The following MBLAC2 variants were observed in gnomAD, a reference collection of about 807,000 sequenced individuals.
The protein encoded by MBLAC2 is acyl-coenzyme A thioesterase MBLAC2.
In MBLAC2, 24 loss-of-function variants were observed where a neutral mutation model predicts 23.3. That is an observed-to-expected ratio of 1.03 (90% CI 0.75 to 1.45). The LOEUF (loss-of-function observed/expected upper bound fraction) is 1.45. Among genes scored for constraint, MBLAC2 ranks in the 40% most tolerant of loss-of-function variants. The pLI, the probability that MBLAC2 is intolerant of heterozygous loss-of-function variation, is 0.00. For synonymous variants in MBLAC2, 162 were observed against 150.9 expected (o/e 1.07, Z -0.54); for missense variants, 358 against 370.0 (o/e 0.97, Z 0.27).
rs1750631443 is a variant in MBLAC2 at position 90,473,917 on chromosome 5, C to T, written c.376G>A (p.Val126Met). ...TVTWLSDSEV[V>M]RTPSPGWRAR... ...CTCCAGCCGGGGCTGGGCGTCCGCA[C>T]CACCTCGCTATCGGAAAGCCAGGTC... Residue 126 changes from valine (V) to methionine (M), a missense_variant, in exon 1 of 2, where the codon GTG (valine) becomes ATG (methionine). By Grantham distance (21) the Val-to-Met change is conservative (BLOSUM62 1). Transcript: ENST00000316610. The T allele has an allele frequency of 6.2e-7, 1 of 1,605,234 alleles. No homozygotes were observed. Among genetic ancestry groups the T allele is most frequent in the Non-Finnish European group, 8.5e-7 (1 of 1,176,670 alleles).
intron 1 of MBLAC2, among the ~76,000 whole-genome samples, chr5:90,471,059 T>A (rs1750540273): frequency 6.6e-6 from 1 of 152,196 alleles, no homozygotes; most frequent in Non-Finnish European, 1.5e-5. Flanking sequence ...GCTCTTAATT[T>A]CCCTTTGCTG....
intron 1 of MBLAC2, among the ~76,000 whole-genome samples, chr5:90,469,468 G>A (rs1005170326): frequency 2.8e-5 from 4 of 143,950 alleles, no homozygotes; most frequent in Non-Finnish European, 6.1e-5. Context: ...TAAATTCTAA[G>A]AGTTTTTTTT....
rs1561237489 is a variant in MBLAC2, at chr5:90,459,943, A to G, written c.*1224T>C. 1 of 139,382 alleles carries G rather than the reference A, an allele frequency of 7.2e-6. No homozygotes were observed. Among genetic ancestry groups the G allele is most frequent in the Non-Finnish European group, 1.5e-5 (1 of 67,938 alleles). The allele number at this position is 139,382 out of a possible 1,614,324, so 8.6% of individuals were successfully genotyped here. Reference sequence around the variant, plus strand: ...AAGCGATTTCAGTTTGGTTTTAGATATGTCAATAATAAAAAGGCAGTGGGA... The same window carrying G: ...AAGCGATTTCAGTTTGGTTTTAGATGTGTCAATAATAAAAAGGCAGTGGGA... On this transcript the variant is annotated 3_prime_UTR_variant, in exon 2 of 2. Coordinates refer to ENST00000316610, the MANE Select transcript of MBLAC2 (RefSeq NM_203406.2).
Position 90,474,044 on chromosome 5 carries a change from G to A in MBLAC2, c.249C>T (p.His83=), listed in dbSNP as rs761125129. The change falls in exon 1 of 2, where the codon CAC becomes CAT. Residue 83 remains histidine, a synonymous_variant. Transcript: ENST00000316610. Reference sequence around the variant, plus strand: ...GGCCGCCGGAGTGGTCGAAGTGCACGTGGGTGGCCACGGCAAGCAGTGGCC... The same window carrying A: ...GGCCGCCGGAGTGGTCGAAGTGCACATGGGTGGCCACGGCAAGCAGTGGCC... ...ARRPLLAVAT[H]VHFDHSGGLY... 8 of 1,590,380 alleles carry A rather than the reference G, an allele frequency of 5.0e-6. No homozygotes were observed. In the Admixed American group the frequency reaches 1.1e-4, roughly 22 times the overall value.
rs1451534990 is a variant in MBLAC2 at position 90,474,124 on chromosome 5, G to A, written c.169C>T (p.Leu57=). ...GLGLRSLPEY[L]YSSGLLQDRE... The stretch of plus-strand genomic sequence containing the variant: ...TCCTGCAAGAGGCCGGAGGAGTACA[G>A]GTACTCCGGGAGGCTGCGCAGCCCC... The change falls in exon 1 of 2, where the codon CTG becomes TTG. Residue 57 remains leucine (L), a synonymous_variant. Transcript: ENST00000316610. 1 of 1,583,252 alleles carries A rather than the reference G, an allele frequency of 6.3e-7. No individual in the cohort carries two copies. Among genetic ancestry groups the A allele is most frequent in the Admixed American group, 1.8e-5 (1 of 54,302 alleles).
At chr5:90,463,336 C>T (rs1018133291) in intron 1 of MBLAC2, among the ~76,000 whole-genome samples, 28 of 152,242 alleles carry the variant, frequency 1.8e-4, no homozygotes, top group Non-Finnish European at 3.8e-4. Context: ...AGCGATCCTC[C>T]CTCCCTGGCC....
Position 90,474,224 on chromosome 5 carries a change from G to C in MBLAC2, c.69C>G (p.Phe23Leu). 1.2e-6 allele frequency: 2 copies of C among 1,613,342 alleles called. No individual in the cohort carries two copies. The highest frequency in any genetic ancestry group is 2.2e-5 in the South Asian group (2 of 90,928). Residue 23 changes from phenylalanine (F) to leucine (L), a missense_variant, in exon 1 of 2, where the codon TTC becomes TTG. Coordinates refer to ENST00000316610, the MANE Select transcript of MBLAC2 (RefSeq NM_203406.2). ...TGTTGGCACGGTTGCCCGACTCGTAGAAACGTTCTTGAATCCAGAAGATAC... is the reference window on the plus strand; with the variant it reads ...TGTTGGCACGGTTGCCCGACTCGTACAAACGTTCTTGAATCCAGAAGATAC... ...GDGIFWIQER[F>L]YESGNRANIW...
chr5:90,472,347 T>C (rs892690391), intron 1 of MBLAC2: 3 of 152,188 alleles, frequency 2.0e-5, no homozygotes, highest in African/African-American at 4.8e-5. Flanking sequence ...AGTAATTAGG[T>C]GTGACTTTAA....
chr5:90,472,431 GTTT>G (rs35066487), intron 1 of MBLAC2: 1 of 146,610 alleles, frequency 6.8e-6, no homozygotes. Flanking sequence ...ATCTAAATCA[GTTT>G]TTTTTTTTAA....
chr5:90,473,820 G>T lies in MBLAC2; in HGVS notation c.454+19C>A, dbSNP rs778848238. ...ATACCCTCCCTTAACGAGAGCGCGC[G>T]CCCGCGGGGGCCCATTACCATCCTG... On this transcript the variant is annotated intron_variant, in intron 1 of 1. Transcript: ENST00000316610. 2 of 1,555,346 alleles carry T rather than the reference G, an allele frequency of 1.3e-6. No individual in the cohort carries two copies. Among genetic ancestry groups the T allele is most frequent in the Non-Finnish European group, 1.7e-6 (2 of 1,148,888 alleles).
Position 90,468,054 on chromosome 5 carries a change from T to C in MBLAC2, c.454+5785A>G, listed in dbSNP as rs139144885. ...TAGGACCCCAATCCCTTCTAGCTTG[T>C]AGAGTTTCTGCTGTTAGATAGGTTT... On this transcript the variant is annotated intron_variant, in intron 1 of 1. Transcript: ENST00000316610. Among the ~76,000 whole-genome samples, 633 of 152,344 alleles carry C rather than the reference T, an allele frequency of 4.2e-3. 5 individuals carry two copies. The highest frequency in any genetic ancestry group is 0.01 in the Middle Eastern group (3 of 294).
chr5:90,473,723 C>G lies in MBLAC2; in HGVS notation c.454+116G>C, dbSNP rs889766963. 1.3e-5 allele frequency: 13 copies of G among 1,022,664 alleles called. 1 individual carries two copies. In the African/African-American group the frequency reaches 1.7e-4, roughly 14 times the overall value. The allele number at this position is 1,022,664 out of a possible 1,614,324, so 63.3% of individuals were successfully genotyped here. A position where few individuals can be genotyped will look rare whatever the true frequency, so the allele number is the denominator to read the frequency against. On this transcript the variant is annotated intron_variant, in intron 1 of 1. Transcript: ENST00000316610. ...GAAGGGTGAAACAGAAGTGGCTCTG[C>G]GAGGTGCCAAAATAATCCCCTTTAT...
chr5:90,464,892 T>A (rs1750423942), intron 1 of MBLAC2, among the ~76,000 whole-genome samples: 1 of 152,174 alleles, frequency 6.6e-6, no homozygotes, highest in Admixed American at 6.5e-5. Context: ...CTGAACTTGA[T>A]AAAAGTCACT....
intron 1 of MBLAC2, among the ~76,000 whole-genome samples, chr5:90,465,642 C>T (rs961272024): frequency 2.0e-5 from 3 of 152,080 alleles, no homozygotes; most frequent in Admixed American, 1.3e-4. Flanking sequence ...TGCAGTGGCC[C>T]GCTTATAGCT....
In MBLAC2 at chr5:90,461,370, C is replaced by T; in HGVS notation, c.637G>A (p.Glu213Lys). The part of the protein sequence containing the change: ...SRISDYVGTC[E>K]RLIELVDRGL... ...CTGTCCACTAATTCTATTAGACGTT[C>T]ACAAGTTCCAACATAGTCACTTATC... is the stretch of plus-strand genomic sequence containing the variant. Residue 213 changes from glutamate (E) to lysine (K), a missense_variant, in exon 2 of 2, where the codon GAA becomes AAA. Glu to Lys is a moderately conservative substitution (Grantham distance 56). Coordinates refer to ENST00000316610, the MANE Select transcript of MBLAC2 (RefSeq NM_203406.2). 10 of 1,614,166 alleles carry T rather than the reference C, an allele frequency of 6.2e-6. No individual in the cohort carries two copies. Among genetic ancestry groups the T allele is most frequent in the Non-Finnish European group, 8.5e-6 (10 of 1,180,020 alleles).
intron 1 of MBLAC2, among the ~76,000 whole-genome samples, chr5:90,464,615 T>C (rs1180828400): frequency 1.3e-5 from 2 of 152,024 alleles, no homozygotes; most frequent in Admixed American, 6.6e-5. Context: ...TACACAAATA[T>C]ACCTAATGAA....
intron 1 of MBLAC2, among the ~76,000 whole-genome samples, chr5:90,465,970 T>C (rs1750439459): frequency 6.6e-6 from 1 of 152,172 alleles, no homozygotes; most frequent in Non-Finnish European, 1.5e-5. Flanking sequence ...TCGAAGAAAC[T>C]GAAAATCTGA....
intron 1 of MBLAC2, among the ~76,000 whole-genome samples, chr5:90,464,287 C>T (rs1750415530): frequency 2.0e-5 from 3 of 152,154 alleles, no homozygotes; most frequent in African/African-American, 7.2e-5. Flanking sequence ...ATAACAACAA[C>T]ATCAGGCCTG....
chr5:90,470,783 C>G (rs1015195486), intron 1 of MBLAC2, among the ~76,000 whole-genome samples: 1 of 150,138 alleles, frequency 6.7e-6, no homozygotes, highest in Non-Finnish European at 1.5e-5. Flanking sequence ...CACACACACA[C>G]ACGCTTTCTT....
Sources: allele counts gnomAD v4.1 joint callset (sites outside exome capture counted in the v4.1 genomes callset), GRCh38; gene constraint gnomAD v4.1.1; transcripts MANE v1.5; gene names NCBI Gene and HGNC (gene_info 2026-07-23, HGNC 2026-07-21).